Variants in GABRG3 observed in about 807,000 individuals in gnomAD.
GABRG3 encodes gamma-aminobutyric acid receptor subunit gamma-3.
In GABRG3, 25 loss-of-function variants were observed where a neutral mutation model predicts 48.8. That is an observed-to-expected ratio of 0.51 (90% CI 0.37 to 0.72). The LOEUF (loss-of-function observed/expected upper bound fraction) is 0.72, where lower values mean the gene tolerates loss of function less well. Ranked by LOEUF, GABRG3 falls within the 30% of genes least tolerant of loss-of-function variation. The pLI, the probability that GABRG3 is intolerant of heterozygous loss-of-function variation, is 0.00. For synonymous variants in GABRG3, 227 were observed against 217.6 expected, an observed-to-expected ratio of 1.04 and a Z score of -0.38; for missense variants, 394 against 577.9, an observed-to-expected ratio of 0.68 and a Z score of 3.26.
chr15:27,188,975 T>G (rs953542390), intron 3 of GABRG3, among the ~76,000 whole-genome samples: 2 of 152,236 alleles, frequency 1.3e-5, no homozygotes, highest in South Asian at 2.1e-4. Context: ...CACCATTTAT[T>G]GAATAGGGAA....
chr15:27,272,124 G>A (rs1375003029), intron 3 of GABRG3, among the ~76,000 whole-genome samples: 2 of 152,264 alleles, frequency 1.3e-5, no homozygotes, highest in Non-Finnish European at 2.9e-5. Context: ...TTTCCATCCA[G>A]ACTGTCCTCA....
chr15:27,146,159 G>A (rs745815654), intron 3 of GABRG3, among the ~76,000 whole-genome samples: 11 of 152,222 alleles, frequency 7.2e-5, no homozygotes, highest in African/African-American at 1.9e-4. Context: ...TCAAATCTAC[G>A]TTAAGAAATA....
At chr15:27,045,800 G>A (rs1011481684) in intron 3 of GABRG3, among the ~76,000 whole-genome samples, 1 of 152,218 alleles carries the variant, frequency 6.6e-6, no homozygotes, top group East Asian at 1.9e-4. Flanking sequence ...GTCAATGCCC[G>A]TGCCCAGGTC....
At chr15:27,411,082 C>T (rs1169718749) in intron 5 of GABRG3, among the ~76,000 whole-genome samples, 6 of 152,058 alleles carry the variant, frequency 3.9e-5, no homozygotes, top group Non-Finnish European at 7.4e-5. Context: ...TAGAGCTTTT[C>T]GAAGCACTGT....
chr15:27,115,520 G>T (rs1178188982), intron 3 of GABRG3, among the ~76,000 whole-genome samples: 2 of 152,150 alleles, frequency 1.3e-5, no homozygotes, highest in East Asian at 3.9e-4. Flanking sequence ...ATGCTGAAAA[G>T]TTGGTACGAA....
intron 3 of GABRG3, among the ~76,000 whole-genome samples, chr15:27,078,222 G>T (rs1896940090): frequency 1.3e-5 from 2 of 152,150 alleles, no homozygotes; most frequent in South Asian, 2.1e-4. Context: ...CTGTTGAAGG[G>T]CCGGATAGAA....
intron 6 of GABRG3, among the ~76,000 whole-genome samples, chr15:27,493,855 T>C (rs868783589): frequency 1.3e-5 from 2 of 152,104 alleles, no homozygotes; most frequent in African/African-American, 2.4e-5. Context: ...AAAGAACACA[T>C]ACCATGGGGA....
rs779459678 is a variant in GABRG3 at position 27,527,551 on chromosome 15, C to T, written c.984C>T (p.Phe328=). The change falls in exon 8 of 10, where the codon TTC becomes TTT. Residue 328 remains phenylalanine, a synonymous_variant. Transcript: ENST00000615808. ...TGACCGTGTGCTTCCTGTTTGTCTTCGCCGCGCTGATGGAGTATGCCACCC... is the reference window on the plus strand; with the variant it reads ...TGACCGTGTGCTTCCTGTTTGTCTTTGCCGCGCTGATGGAGTATGCCACCC... ...LFVTVCFLFV[F]AALMEYATLN... 5.6e-6 allele frequency: 9 copies of T among 1,613,818 alleles called. No individual in the cohort carries two copies. In the East Asian group the frequency reaches 6.7e-5, roughly 12 times the overall value.
chr15:27,030,023 A>G (rs1174383888), intron 3 of GABRG3, among the ~76,000 whole-genome samples: 1 of 152,228 alleles, frequency 6.6e-6, no homozygotes, highest in Non-Finnish European at 1.5e-5. Context: ...GAAAAATAAT[A>G]GAAATTTTAA....
rs1436895144 is a variant in GABRG3, at chr15:27,180,657, TTGTG to T, written c.271-146147_271-146144del. Among the ~76,000 whole-genome samples the T allele has an allele frequency of 3.3e-5, 5 of 152,164 alleles. No homozygotes were observed. Among genetic ancestry groups the T allele is most frequent in the Middle Eastern group, 3.2e-3 (1 of 316 alleles). On this transcript the variant is annotated intron_variant, in intron 3 of 9. Transcript: ENST00000615808. The surrounding 1 kb of genome is among the most constrained non-coding windows in gnomAD (Gnocchi z 4.2). Reference sequence around the variant, plus strand: ...CATGTGTGTGTCTGTCTGTGTGTGTTTGTGTGTGCACGCGCGCGCACCCCAGGTC... The same window carrying T: ...CATGTGTGTGTCTGTCTGTGTGTGTTTGTGCACGCGCGCGCACCCCAGGTC...
intron 3 of GABRG3, among the ~76,000 whole-genome samples, chr15:27,284,534 C>T (rs1158299408): frequency 1.3e-5 from 2 of 152,150 alleles, no homozygotes; most frequent in Non-Finnish European, 2.9e-5. Flanking sequence ...ACACTGTCCA[C>T]AGAACCAGAG....
intron 3 of GABRG3, among the ~76,000 whole-genome samples, chr15:27,034,506 T>A (rs1310694155): frequency 6.6e-6 from 1 of 152,140 alleles, no homozygotes; most frequent in Non-Finnish European, 1.5e-5. Flanking sequence ...AACAATAATA[T>A]TTAAGGTATA....
At chr15:27,459,553 A>G (rs936832139) in intron 5 of GABRG3, among the ~76,000 whole-genome samples, 3 of 150,918 alleles carry the variant, frequency 2.0e-5, no homozygotes, top group Middle Eastern at 3.2e-3. Flanking sequence ...TAAAATTTTA[A>G]AAAACATATC....
chr15:27,115,660 G>A (rs550967542), intron 3 of GABRG3, among the ~76,000 whole-genome samples: 1 of 152,232 alleles, frequency 6.6e-6, no homozygotes, highest in East Asian at 1.9e-4. Context: ...CTAATTACAG[G>A]CCTGCTGGAA....
At chr15:27,248,803 C>CACAGAGAGAGAGAG (rs1377080195) in intron 3 of GABRG3, among the ~76,000 whole-genome samples, 8 of 110,174 alleles carry the variant, frequency 7.3e-5, no homozygotes, top group African/African-American at 2.7e-4. Flanking sequence ...CACACACACA[C>CACAGAGAGAGAGAG]AGAGAGAGAG....
intron 3 of GABRG3, among the ~76,000 whole-genome samples, chr15:27,213,030 T>C (rs1889123789): frequency 6.6e-6 from 1 of 152,214 alleles, no homozygotes; most frequent in Non-Finnish European, 1.5e-5. Flanking sequence ...AATTCCTCTC[T>C]AGTTGTACAC....
chr15:27,200,055 TCTTTC>T (rs1566962879), intron 3 of GABRG3, among the ~76,000 whole-genome samples: 1 of 100,820 alleles, frequency 9.9e-6, no homozygotes, highest in Non-Finnish European at 2.2e-5. Context: ...CTCTCTTCCT[TCTTTC>T]CTTCCTTTCT....
intron 3 of GABRG3, among the ~76,000 whole-genome samples, chr15:27,166,284 T>C (rs1887367296): frequency 6.6e-6 from 1 of 152,130 alleles, no homozygotes; most frequent in Admixed American, 6.5e-5. Context: ...TTTGAACAAA[T>C]TTTCTTATGG....
chr15:27,523,712 A>G (rs548164810), intron 7 of GABRG3, among the ~76,000 whole-genome samples: 1 of 152,148 alleles, frequency 6.6e-6, no homozygotes, highest in South Asian at 2.1e-4. Flanking sequence ...GAAAAATACA[A>G]TGCCAAAATG....
Sources: gnomAD v4.1 joint callset for allele counts (sites outside exome capture counted in the v4.1 genomes callset) on GRCh38, gnomAD v4.1.1 for gene constraint, Gnocchi (gnomAD v3.1) non-coding constraint, MANE v1.5 for transcripts, NCBI Gene and HGNC (gene_info 2026-07-23, HGNC 2026-07-21) for gene names.